The following NDST2 variants were observed in gnomAD, a reference collection of about 807,000 sequenced individuals.
The protein encoded by NDST2 is bifunctional heparan sulfate N-deacetylase/N-sulfotransferase 2.
A neutral mutation model predicts 86.9 loss-of-function variants in NDST2; 32 were observed. The observed-to-expected ratio is 0.37, with a 90% CI of 0.28 to 0.49. The LOEUF (loss-of-function observed/expected upper bound fraction) is 0.49, where lower values mean the gene tolerates loss of function less well. Among genes scored for constraint, NDST2 ranks in the 20% least tolerant of loss-of-function variants. The pLI is 0.97. For missense variants in NDST2, 950 were observed against 1,146.9 expected (o/e 0.83, Z 2.48); for synonymous variants, 409 against 437.0 (o/e 0.94, Z 0.80).
At position 73,806,172 on chromosome 10, in the gene NDST2, C is replaced by G. The variant is rs1433582965; in HGVS notation, c.1434+117G>C. 6 of 1,530,094 alleles carry G rather than the reference C, an allele frequency of 3.9e-6. No homozygotes were observed. The East Asian group carries it at 9.0e-5, about 23-fold the overall frequency. The allele number at this position is 1,530,094 out of a possible 1,614,324, so 94.8% of individuals were successfully genotyped here. The stretch of plus-strand genomic sequence containing the variant: ...TGTTAAAATTTTTTCACCTTTCTAC[C>G]CCCAATTATGTACCCCCATACTTGG... On this transcript the variant is annotated intron_variant, in intron 6 of 14. Coordinates refer to ENST00000309979, the MANE Select transcript of NDST2 (RefSeq NM_003635.4). This position sits in a 1 kb window ranked among gnomAD's most constrained non-coding sequence, Gnocchi z 4.5.
In NDST2 at chr10:73,809,739, T is replaced by C. The variant is rs183167616; in HGVS notation, c.-341-1010A>G. On this transcript the variant is annotated intron_variant, in intron 2 of 14. Transcript: ENST00000309979. ...AAGGAGGTCTAATTTTGGGGATCTC[T>C]TTTATTATTTTTAGATGGAGTCTTG... is the stretch of plus-strand genomic sequence containing the variant. Among the ~76,000 whole-genome samples, 617 of 152,252 alleles carry C rather than the reference T, an allele frequency of 4.1e-3. 3 individuals are homozygous for C. Among genetic ancestry groups the C allele is most frequent in the South Asian group, 0.012 (56 of 4,826 alleles).
intron 9 of NDST2, 94 bp downstream of exon 9, chr10:73,804,678 CT>C: frequency 1.5e-6 from 1 of 680,378 alleles, no homozygotes; most frequent in Non-Finnish European, 2.5e-6. Flanking sequence ...ACTTTTTTCA[CT>C]CCTGTGATTA....
rs2084097649 is a variant in NDST2 at position 73,806,085 on chromosome 10, AG to A, written c.1435-58del. 1.9e-6 allele frequency: 3 copies of A among 1,597,858 alleles called. No individual in the cohort carries two copies. In the Admixed American group the frequency reaches 5.1e-5, roughly 27 times the overall value. ...GAAAGATAGAATGAGAAGTAGATGGAGGACACTGGGATTTATAGAGGACTGA... is the reference window on the plus strand; with the variant it reads ...GAAAGATAGAATGAGAAGTAGATGGAGACACTGGGATTTATAGAGGACTGA... On this transcript the variant is annotated intron_variant, in intron 6 of 14. Coordinates refer to ENST00000309979, the MANE Select transcript of NDST2 (RefSeq NM_003635.4). The surrounding 1 kb of genome is among the most constrained non-coding windows in gnomAD (Gnocchi z 4.5).
chr10:73,803,471 G>T, intron 11 of NDST2, 103 bp downstream of exon 11: 2 of 1,543,812 alleles, frequency 1.3e-6, no homozygotes, highest in Non-Finnish European at 1.8e-6. Context: ...CAAGGCACTA[G>T]TTAAGTTTCT....
intron 2 of NDST2, among the ~76,000 whole-genome samples, chr10:73,809,265 T>C (rs2084158263): frequency 6.6e-6 from 1 of 152,184 alleles, no homozygotes; most frequent in Admixed American, 6.5e-5. Flanking sequence ...GAACTTGCAG[T>C]CAGGTGGACA....
chr10:73,806,028 C>T lies in NDST2; in HGVS notation c.1435G>A (p.Val479Met), dbSNP rs2084096520. ...AGGCCACATGTCTGCCGGGGCAGCA[C>T]CTGGAGGGAAAAGAAAAAACAGATG... Reference protein sequence around the residue: ...RRGFIHNGIMVLPRQTCGLFT... With the variant: ...RRGFIHNGIMMLPRQTCGLFT... Residue 479 changes from valine (V) to methionine (M), a missense_variant and splice_region_variant, in exon 7 of 15, where the codon GTG becomes ATG. Val to Met is a conservative substitution (Grantham distance 21, BLOSUM62 1). Transcript: ENST00000309979. This position sits in a 1 kb window ranked among gnomAD's most constrained non-coding sequence, Gnocchi z 4.5. The T allele has an allele frequency of 1.2e-6, 2 of 1,611,670 alleles. No homozygotes were observed. Among genetic ancestry groups the T allele is most frequent in the South Asian group, 1.1e-5 (1 of 90,456 alleles).
At position 73,801,996 on chromosome 10, in the gene NDST2, T is replaced by A. The variant is rs2083987391; in HGVS notation, c.*455A>T. The A allele has an allele frequency of 2.8e-6, 1 of 360,290 alleles. No individual in the cohort carries two copies. The highest frequency in any genetic ancestry group is 2.3e-5 in the South Asian group (1 of 43,118). 22.3% of individuals were successfully genotyped at this position (360,290 alleles called of 1,614,324 possible). ...CGGCTCTATGAGCCACTGTCCGACCTCATCCCCATTCAATGTGAATGACAT... is the reference window on the plus strand; with the variant it reads ...CGGCTCTATGAGCCACTGTCCGACCACATCCCCATTCAATGTGAATGACAT... On this transcript the variant is annotated 3_prime_UTR_variant, in exon 15 of 15. Coordinates refer to ENST00000309979, the MANE Select transcript of NDST2 (RefSeq NM_003635.4). This position sits in a 1 kb window ranked among gnomAD's most constrained non-coding sequence, Gnocchi z 4.9.
chr10:73,802,355 A>G lies in NDST2; in HGVS notation c.*96T>C. Reference sequence around the variant, plus strand: ...CTGGGGGCTACTGAGGTAGAGGGGGAGGGGCCAGGCCACTCTAATCCCCCT... The same window carrying G: ...CTGGGGGCTACTGAGGTAGAGGGGGGGGGGCCAGGCCACTCTAATCCCCCT... On this transcript the variant is annotated 3_prime_UTR_variant, in exon 15 of 15. Coordinates refer to ENST00000309979, the MANE Select transcript of NDST2 (RefSeq NM_003635.4). The G allele has an allele frequency of 9.3e-6, 13 of 1,397,158 alleles. No homozygotes were observed. The highest frequency in any genetic ancestry group is 2.0e-5 in the Admixed American group (1 of 50,948). The allele number at this position is 1,397,158 out of a possible 1,614,324, so 86.5% of individuals were successfully genotyped here.
chr10:73,811,117 G>A lies in NDST2; in HGVS notation c.-446-214C>T, dbSNP rs2084224058. 2.0e-5 allele frequency among the ~76,000 whole-genome samples: 3 copies of A among 152,038 alleles called. No homozygotes were observed. In the South Asian group the frequency reaches 6.2e-4, roughly 31 times the overall value. ...GAGGCTGCGGGCGCCGAGGGGGCCCGGGGCTGGCGGGTGGAGGGGCCCCGC... is the reference window on the plus strand; with the variant it reads ...GAGGCTGCGGGCGCCGAGGGGGCCCAGGGCTGGCGGGTGGAGGGGCCCCGC... On this transcript the variant is annotated intron_variant, in intron 1 of 14. Coordinates refer to ENST00000309979, the MANE Select transcript of NDST2 (RefSeq NM_003635.4).
Position 73,803,049 on chromosome 10 carries a change from G to A in NDST2, c.2346C>T (p.Thr782=). ...LLIVDGQELR[T]NPAASMESIQ... ...TGCTCTCCATTGAGGCTGCTGGGTT[G>A]GTACGCAGCTCTTGCCCATCCACAA... Residue 782 remains threonine, a synonymous_variant, in exon 13 of 15, where the codon ACC becomes ACT. Coordinates refer to ENST00000309979, the MANE Select transcript of NDST2 (RefSeq NM_003635.4). The A allele has an allele frequency of 6.2e-7, 1 of 1,614,224 alleles. No homozygotes were observed. Among genetic ancestry groups the A allele is most frequent in the Non-Finnish European group, 8.5e-7 (1 of 1,180,042 alleles).
rs200769473 is a variant in NDST2 at position 73,807,478 on chromosome 10, C to T, written c.911G>A (p.Arg304His). Reference sequence around the variant, plus strand: ...GTAGCGGTCAAGGTCCAGGCAGAGGCGCTTGCCAGTGAGGTATGCAACAGC... The same window carrying T: ...GTAGCGGTCAAGGTCCAGGCAGAGGTGCTTGCCAGTGAGGTATGCAACAGC... Reference protein sequence around the residue: ...VDAVAYLTGKRLCLDLDRYIL... With the variant: ...VDAVAYLTGKHLCLDLDRYIL... Residue 304 changes from arginine to histidine, a missense_variant, in exon 3 of 15, where the codon CGC becomes CAC. Around this residue, in one of 5 missense-constraint regions of NDST2, gnomAD observed 586 missense variants for 714.0 expected, o/e 0.82. Coordinates refer to ENST00000309979, the MANE Select transcript of NDST2 (RefSeq NM_003635.4). 5.3e-5 allele frequency: 85 copies of T among 1,614,148 alleles called. No individual in the cohort carries two copies. In the East Asian group the frequency reaches 1.6e-3, roughly 31 times the overall value.
chr10:73,805,622 C>G lies in NDST2; in HGVS notation c.1711G>C (p.Glu571Gln), dbSNP rs1320422699. 2 of 1,614,162 alleles carry G rather than the reference C, an allele frequency of 1.2e-6. No homozygotes were observed. Among genetic ancestry groups the G allele is most frequent in the Non-Finnish European group, 1.7e-6 (2 of 1,180,030 alleles). ...PPVPLAQKYFELFPQERSPLW... is the reference protein window; with the variant it reads ...PPVPLAQKYFQLFPQERSPLW... The stretch of plus-strand genomic sequence containing the variant: ...GGGCTTCGCTCCTGAGGGAAAAGTT[C>G]AAAGTACTTCTGTGCAAGTGGGACA... Residue 571 changes from glutamate (E) to glutamine (Q), a missense_variant, in exon 8 of 15, where the codon GAA (glutamate) becomes CAA (glutamine). Around this residue, in one of 5 missense-constraint regions of NDST2, gnomAD observed 586 missense variants for 714.0 expected, o/e 0.82. Transcript: ENST00000309979.
rs1458892691 is a variant in NDST2 at position 73,801,930 on chromosome 10, T to TTTA, written c.*518_*520dup. 1.4e-5 allele frequency: 6 copies of TTTA among 431,018 alleles called. No individual in the cohort carries two copies. The East Asian group carries it at 4.1e-4, about 29-fold the overall frequency. 26.7% of individuals were successfully genotyped at this position (431,018 alleles called of 1,614,324 possible). On this transcript the variant is annotated 3_prime_UTR_variant, in exon 15 of 15. Coordinates refer to ENST00000309979, the MANE Select transcript of NDST2 (RefSeq NM_003635.4). This position sits in a 1 kb window ranked among gnomAD's most constrained non-coding sequence, Gnocchi z 4.9. ...CAGACAAAACAGAAAAATAAGGATG[T>TTTA]TTATTAAGGACATTTCTAGCCCACA... is the stretch of plus-strand genomic sequence containing the variant.
chr10:73,806,528 G>C lies in NDST2; in HGVS notation c.1249-54C>G. ...CCTGGTGAGGTTTGGGGAGTAGAGG[G>C]TAAAGAGGGTGGGGAAGCCTCCAAA... On this transcript the variant is annotated intron_variant, in intron 5 of 14. Coordinates refer to ENST00000309979, the MANE Select transcript of NDST2 (RefSeq NM_003635.4). This position sits in a 1 kb window ranked among gnomAD's most constrained non-coding sequence, Gnocchi z 4.5. The C allele has an allele frequency of 6.4e-7, 1 of 1,553,268 alleles. No homozygotes were observed. The highest frequency in any genetic ancestry group is 8.7e-7 in the Non-Finnish European group (1 of 1,145,314).
At position 73,808,125 on chromosome 10, in the gene NDST2, A is replaced by G. The variant is rs112530418; in HGVS notation, c.264T>C (p.Leu88=). The change falls in exon 3 of 15, where the codon CTT becomes CTC. Residue 88 remains leucine, a synonymous_variant. Coordinates refer to ENST00000309979, the MANE Select transcript of NDST2 (RefSeq NM_003635.4). This position sits in a 1 kb window ranked among gnomAD's most constrained non-coding sequence, Gnocchi z 4.3. The stretch of plus-strand genomic sequence containing the variant: ...GTGAGTATGCACTCTCCACAAACAC[A>G]AGGACCACGGGTTCAGTTCGAGCTG... ...PETARTEPVV[L]VFVESAYSQL... 1 of 1,614,182 alleles carries G rather than the reference A, an allele frequency of 6.2e-7. No homozygotes were observed. Among genetic ancestry groups the G allele is most frequent in the Non-Finnish European group, 8.5e-7 (1 of 1,180,028 alleles).
intron 13 of NDST2, 58 bp from the exon 14 acceptor site, chr10:73,802,834 A>G: frequency 6.5e-7 from 1 of 1,546,112 alleles, no homozygotes; most frequent in Non-Finnish European, 8.9e-7. Flanking sequence ...AAGTTCCATA[A>G]ATGCACAATG....
In NDST2 at chr10:73,806,699, G is replaced by A. The variant is rs1447438493; in HGVS notation, c.1206C>T (p.Ser402=). ...TGAGCCTCATCTGGTCAGCCAGCACGGAGCGATTGTGGAACAGGTGTGGCT... is the reference window on the plus strand; with the variant it reads ...TGAGCCTCATCTGGTCAGCCAGCACAGAGCGATTGTGGAACAGGTGTGGCT... The part of the protein sequence containing the change: ...HMQPHLFHNR[S]VLADQMRLNK... The change falls in exon 5 of 15, where the codon TCC becomes TCT. Residue 402 remains serine (S), a synonymous_variant. Coordinates refer to ENST00000309979, the MANE Select transcript of NDST2 (RefSeq NM_003635.4). The surrounding 1 kb of genome is among the most constrained non-coding windows in gnomAD (Gnocchi z 4.5). 9.3e-6 allele frequency: 15 copies of A among 1,614,204 alleles called. No homozygotes were observed. The highest frequency in any genetic ancestry group is 3.3e-5 in the South Asian group (3 of 91,082).
chr10:73,807,252 A>C, intron 3 of NDST2, 57 bp from the exon 4 acceptor site: 1 of 1,561,842 alleles, frequency 6.4e-7, no homozygotes. Flanking sequence ...CAGGAAATAC[A>C]TGAGAAGTAG....
chr10:73,804,698 G>T, intron 9 of NDST2, 75 bp downstream of exon 9: 1 of 863,172 alleles, frequency 1.2e-6, no homozygotes, highest in Non-Finnish European at 1.9e-6. Flanking sequence ...TACCTGGAGA[G>T]AGAAGAGAGT....
Sources: allele counts gnomAD v4.1 joint callset (sites outside exome capture counted in the v4.1 genomes callset), GRCh38; gene constraint gnomAD v4.1.1; regional missense constraint gnomAD v4.1.1; non-coding constraint Gnocchi (gnomAD v3.1); transcripts MANE v1.5; gene names NCBI Gene and HGNC (gene_info 2026-07-23, HGNC 2026-07-21).